Variants in CUX1 observed in about 807,000 individuals in gnomAD.
The protein encoded by CUX1 is cut like homeobox 1, also known as protein CASP.
Under a neutral mutation model 158.8 loss-of-function variants are expected in CUX1, and 31 were observed. That is an observed-to-expected ratio of 0.20 (90% CI 0.15 to 0.26). The LOEUF (loss-of-function observed/expected upper bound fraction) is 0.26, where lower values mean the gene tolerates loss of function less well. CUX1 is among the 10% of genes least tolerant of loss of function. The pLI is 1.00. For synonymous variants in CUX1, 879 were observed against 862.1 expected (o/e 1.02, Z -0.34); for missense variants, 1,589 against 2,014.6 (o/e 0.79, Z 4.04).
chr7:102,116,049 A>T (rs1024356495), intron 8 of CUX1, among the ~76,000 whole-genome samples: 36 of 152,098 alleles, frequency 2.4e-4, no homozygotes, highest in African/African-American at 8.5e-4. Flanking sequence ...GGGTTTCCCT[A>T]TTCCAGTTAC....
chr7:102,076,710 C>G (rs1451233804), intron 4 of CUX1, among the ~76,000 whole-genome samples: 1 of 152,024 alleles, frequency 6.6e-6, no homozygotes, highest in Non-Finnish European at 1.5e-5. Context: ...ACTATAGAGG[C>G]TGGTGGGAAT....
At chr7:102,245,010 GTT>G (rs1554536400) in intron 23 of CUX1, among the ~76,000 whole-genome samples, 2 of 152,160 alleles carry the variant, frequency 1.3e-5, no homozygotes, top group African/African-American at 4.8e-5. Flanking sequence ...AGCCAAAAAG[GTT>G]TTTGTTTGTT....
At chr7:102,155,020 C>G (rs901963128) in intron 8 of CUX1, among the ~76,000 whole-genome samples, 2 of 152,168 alleles carry the variant, frequency 1.3e-5, no homozygotes, top group African/African-American at 4.8e-5. Context: ...TACGCAGCAG[C>G]TATGTATTTT....
At chr7:102,193,135 C>T (rs1794453323) in intron 12 of CUX1, among the ~76,000 whole-genome samples, 1 of 152,220 alleles carries the variant, frequency 6.6e-6, no homozygotes, top group African/African-American at 2.4e-5. Flanking sequence ...GCCTATGTCC[C>T]CTGGTCCCCA....
intron 4 of CUX1, among the ~76,000 whole-genome samples, chr7:102,080,552 C>T (rs1047960617): frequency 6.6e-6 from 1 of 152,182 alleles, no homozygotes; most frequent in Admixed American, 6.5e-5. Flanking sequence ...CAGCCCCCAT[C>T]GCCCGCAGAG....
intron 2 of CUX1, among the ~76,000 whole-genome samples, chr7:101,950,334 A>G (rs1808908864): frequency 6.6e-6 from 1 of 152,176 alleles, no homozygotes; most frequent in African/African-American, 2.4e-5. Flanking sequence ...TTTATGATAT[A>G]AGAAAATTAT....
chr7:101,980,693 C>A (rs1251411604), intron 2 of CUX1, among the ~76,000 whole-genome samples: 1 of 152,164 alleles, frequency 6.6e-6, no homozygotes, highest in Non-Finnish European at 1.5e-5. Context: ...TTCTTCTGCT[C>A]TAGGCCAGCT....
chr7:102,252,103 T>G lies in CUX1; in HGVS notation c.*3061T>G. The G allele has an allele frequency of 4.1e-6, 4 of 984,720 alleles. No homozygotes were observed. Among genetic ancestry groups the G allele is most frequent in the Non-Finnish European group, 4.8e-6 (4 of 829,272 alleles). The allele number at this position is 984,720 out of a possible 1,614,324, so 61.0% of individuals were successfully genotyped here. On this transcript the variant is annotated 3_prime_UTR_variant, in exon 24 of 24. Transcript: ENST00000292535. ...AATTTTGCTTGCAGTTCTGTGTATTTTTTTTCCTCTATTATTTATTTTTTT... is the reference window on the plus strand; with the variant it reads ...AATTTTGCTTGCAGTTCTGTGTATTGTTTTTCCTCTATTATTTATTTTTTT...
At position 102,254,829 on chromosome 7, in the gene CUX1, C is replaced by T. The variant is rs556151925; in HGVS notation, c.*5787C>T. Reference sequence around the variant, plus strand: ...TGAATGCCAGTCTGGCCGGCACACTCGAACGCTAAGAGAATGGTCCAATTT... The same window carrying T: ...TGAATGCCAGTCTGGCCGGCACACTTGAACGCTAAGAGAATGGTCCAATTT... On this transcript the variant is annotated 3_prime_UTR_variant, in exon 24 of 24. Coordinates refer to ENST00000292535, the MANE Select transcript of CUX1 (RefSeq NM_181552.4). 16 of 985,428 alleles carry T rather than the reference C, an allele frequency of 1.6e-5. No individual in the cohort carries two copies. In the Admixed American group the frequency reaches 8.6e-4, roughly 53 times the overall value. The allele number at this position is 985,428 out of a possible 1,614,324, so 61.0% of individuals were successfully genotyped here.
In CUX1 at chr7:102,015,166, T is replaced by C. The variant is rs140438255; in HGVS notation, c.142-12932T>C. On this transcript the variant is annotated intron_variant, in intron 2 of 23. Coordinates refer to ENST00000292535, the MANE Select transcript of CUX1 (RefSeq NM_181552.4). ...ACACAAGCGATGAATAAACGTGAAG[T>C]CAGGCATCCAGGCGGTGAAACAAAA... Among the ~76,000 whole-genome samples the C allele has an allele frequency of 5.0e-3, 767 of 152,316 alleles. 2 individuals carry two copies. The highest frequency in any genetic ancestry group is 0.012 in the Admixed American group (179 of 15,286).
chr7:101,847,173 A>G (rs1795790219), intron 1 of CUX1, among the ~76,000 whole-genome samples: 1 of 152,074 alleles, frequency 6.6e-6, no homozygotes, highest in Non-Finnish European at 1.5e-5. Flanking sequence ...ACAGTCAACC[A>G]CCTGGTGGAG....
At chr7:102,194,042 G>T in intron 13 of CUX1, 152 bp downstream of exon 13, 1 of 762,206 alleles carries the variant, frequency 1.3e-6, no homozygotes, top group Non-Finnish European at 2.2e-6. Context: ...CCAAGTTGAA[G>T]CAAATTATCT....
At position 102,111,681 on chromosome 7, in the gene CUX1, G is replaced by A; in HGVS notation, c.531-17G>A. The A allele has an allele frequency of 5.6e-6, 9 of 1,613,834 alleles. No homozygotes were observed. Among genetic ancestry groups the A allele is most frequent in the Middle Eastern group, 1.6e-4 (1 of 6,062 alleles). On this transcript the variant is annotated splice_polypyrimidine_tract_variant and intron_variant, in intron 6 of 23. Transcript: ENST00000292535. ...TAAAGGAGATGACCAATTTGGCTTC[G>A]TCCTCTTCCTTTGCAGAAAGCTGCA...
At position 101,849,514 on chromosome 7, in the gene CUX1, T is replaced by C. The variant is rs1796054852; in HGVS notation, c.30+31845T>C. On this transcript the variant is annotated intron_variant, in intron 1 of 23. Coordinates refer to ENST00000292535, the MANE Select transcript of CUX1 (RefSeq NM_181552.4). ...GTCCCTGCAAAGGACGTGACCTCTT[T>C]CTTTTTTCTGGCTGCATAGTATTCT... Among the ~76,000 whole-genome samples the C allele has an allele frequency of 2.0e-5, 3 of 152,192 alleles. No individual in the cohort carries two copies. In the South Asian group the frequency reaches 6.2e-4, roughly 31 times the overall value.
rs1046890805 is a variant in CUX1 at position 102,254,128 on chromosome 7, C to G, written c.*5086C>G. On this transcript the variant is annotated 3_prime_UTR_variant, in exon 24 of 24. Transcript: ENST00000292535. ...AAACAGCTGTGCTCTGCAAGGCACA[C>G]GGATGTTTCCCTTCCACCTGTTCCC... 1.3e-5 allele frequency: 13 copies of G among 985,318 alleles called. No individual in the cohort carries two copies. Among genetic ancestry groups the G allele is most frequent in the African/African-American group, 3.5e-5 (2 of 57,226 alleles). 61.0% of individuals were successfully genotyped at this position (985,318 alleles called of 1,614,324 possible).
chr7:102,108,185 T>C (rs1213919052), intron 6 of CUX1, among the ~76,000 whole-genome samples: 2 of 152,104 alleles, frequency 1.3e-5, no homozygotes, highest in African/African-American at 4.8e-5. Flanking sequence ...TTATGGAGAA[T>C]TCATAGTAAC....
intron 11 of CUX1, among the ~76,000 whole-genome samples, chr7:102,183,429 A>C (rs1793327638): frequency 6.6e-6 from 1 of 151,520 alleles, no homozygotes; most frequent in Non-Finnish European, 1.5e-5. Context: ...CACCCACCCC[A>C]TTGCTTTGGA....
intron 11 of CUX1, chr7:102,187,108 T>A (rs1793706996): frequency 6.6e-6 from 1 of 152,108 alleles, no homozygotes; most frequent in Non-Finnish European, 1.5e-5. Context: ...TATACATGGA[T>A]TCCACTCCTA....
At chr7:102,283,099 G>C (rs1792235805) in exon 23 of CUX1, 6 of 1,612,370 alleles carry the variant, frequency 3.7e-6, no homozygotes, top group Middle Eastern at 1.6e-4. Flanking sequence ...GATACCCCGG[G>C]GCCTCCCCCG....
Sources: allele counts gnomAD v4.1 joint callset (sites outside exome capture counted in the v4.1 genomes callset), GRCh38; gene constraint gnomAD v4.1.1; transcripts MANE v1.5; gene names NCBI Gene and HGNC (gene_info 2026-07-23, HGNC 2026-07-21).